Variants in GARS1 observed in about 807,000 individuals in gnomAD.
GARS1 encodes the protein glycine--tRNA ligase.
In GARS1, 46 loss-of-function variants were observed where a neutral mutation model predicts 86.4. That is an observed-to-expected ratio of 0.53 (90% CI 0.42 to 0.68). The LOEUF is 0.68. Among genes scored for constraint, GARS1 ranks in the 30% least tolerant of loss-of-function variants. GARS1 has a pLI of 0.00. For missense variants in GARS1, 797 were observed against 915.6 expected, an observed-to-expected ratio of 0.87 and a Z score of 1.67; for synonymous variants, 342 against 329.8, an observed-to-expected ratio of 1.04 and a Z score of -0.40.
In GARS1 at chr7:30,617,152, C is replaced by T; in HGVS notation, c.1233C>T (p.Gly411=). 1 of 1,614,056 alleles carries T rather than the reference C, an allele frequency of 6.2e-7. No individual in the cohort carries two copies. Among genetic ancestry groups the T allele is most frequent in the South Asian group, 1.1e-5 (1 of 91,078 alleles). ...ACACAGTATTAGGCTATTTCATTGG[C>T]CGCATCTACCTCTACCTCACGAAGG... ...INNTVLGYFI[G]RIYLYLTKVG... is the part of the protein sequence containing the mutation. Residue 411 remains glycine (G), a synonymous_variant, in exon 10 of 17, where the codon GGC becomes GGT. Transcript: ENST00000389266.
At chr7:30,595,813 C>T in intron 1 of GARS1, 1 of 471,128 alleles carries the variant, frequency 2.1e-6, no homozygotes, top group Non-Finnish European at 4.4e-6. Context: ...TCTTTTCTGG[C>T]TTCTGAAAAG....
chr7:30,595,226 G>C lies in GARS1; in HGVS notation c.222+83G>C, dbSNP rs1006993591. 13 of 1,244,690 alleles carry C rather than the reference G, an allele frequency of 1.0e-5. No individual in the cohort carries two copies. The African/African-American group carries it at 1.3e-4, about 13-fold the overall frequency. The allele number at this position is 1,244,690 out of a possible 1,614,324, so 77.1% of individuals were successfully genotyped here. A position where few individuals can be genotyped will look rare whatever the true frequency, so the allele number is the denominator to read the frequency against. ...TGGTCATCCTTCCCTCCTCCCCGGG[G>C]AACTGTCCTCCTCTTCGGTTACCCC... On this transcript the variant is annotated intron_variant, in intron 1 of 16. Transcript: ENST00000389266.
At chr7:30,600,141 C>CT (rs1419800927) in intron 3 of GARS1, 92 bp downstream of exon 3, 2 of 915,842 alleles carry the variant, frequency 2.2e-6, no homozygotes, top group African/African-American at 3.3e-5. Flanking sequence ...TTGGTATCCA[C>CT]TTGTATCAGG....
rs1405608157 is a variant in GARS1, at chr7:30,632,106, T to G, written c.1904-141T>G. On this transcript the variant is annotated intron_variant, in intron 15 of 16. Coordinates refer to ENST00000389266, the MANE Select transcript of GARS1 (RefSeq NM_002047.4). This position sits in a 1 kb window ranked among gnomAD's most constrained non-coding sequence, Gnocchi z 4.1. ...GGGATTTATTAAACTTTAGGGATAT[T>G]TCTTTCTCTTGCAACTCAACTTGTT... 1.8e-5 allele frequency: 14 copies of G among 788,712 alleles called. No homozygotes were observed. The highest frequency in any genetic ancestry group is 2.8e-5 in the Non-Finnish European group (13 of 469,120). 48.9% of individuals were successfully genotyped at this position (788,712 alleles called of 1,614,324 possible).
rs1383537035 is a variant in GARS1, at chr7:30,618,591, A to G, written c.1359+1313A>G. On this transcript the variant is annotated intron_variant, in intron 10 of 16. Transcript: ENST00000389266. ...TGAGGCTGTAGTGAGCCATGATTGC[A>G]CCACTGAACTCAAGCCTGGGTGACA... Among the ~76,000 whole-genome samples the G allele has an allele frequency of 4.9e-4, 74 of 152,236 alleles. 1 individual carries two copies. Among genetic ancestry groups the G allele is most frequent in the Non-Finnish European group, 5.9e-5 (4 of 67,992 alleles).
chr7:30,604,991 T>A (rs1791454133), intron 6 of GARS1, among the ~76,000 whole-genome samples: 1 of 152,236 alleles, frequency 6.6e-6, no homozygotes, highest in Non-Finnish European at 1.5e-5. Flanking sequence ...TTATTTCAGA[T>A]CTGTGTTCTA....
chr7:30,621,309 G>C (rs1161324582), intron 10 of GARS1, 84 bp from the exon 11 acceptor site: 2 of 1,073,632 alleles, frequency 1.9e-6, no homozygotes, highest in Non-Finnish European at 2.9e-6. Context: ...TATATGAAAG[G>C]TTTATAATCT....
chr7:30,624,186 G>A (rs1783078937), intron 12 of GARS1, among the ~76,000 whole-genome samples: 2 of 152,054 alleles, frequency 1.3e-5, no homozygotes, highest in Admixed American at 1.3e-4. Flanking sequence ...TCTTTCTAGT[G>A]TGGCCCAGGG....
intron 8 of GARS1, 134 bp downstream of exon 8, chr7:30,612,379 G>C: frequency 6.5e-6 from 6 of 922,038 alleles, no homozygotes; most frequent in Non-Finnish European, 1.0e-5. Flanking sequence ...CAAAAATCAT[G>C]TTTTACATTT....
rs1183436159 is a variant in GARS1, at chr7:30,628,682, G to A, written c.1809+13G>A. On this transcript the variant is annotated intron_variant, in intron 14 of 16. Transcript: ENST00000389266. ...TGAACAGAGAACAGTAAGTTGTTGT[G>A]TACAGTGTGCTGTTATAGTGTCAGA... 3.9e-6 allele frequency: 6 copies of A among 1,546,580 alleles called. No individual in the cohort carries two copies. The East Asian group carries it at 9.0e-5, about 23-fold the overall frequency.
At chr7:30,609,888 CTT>C (rs1372321250) in intron 7 of GARS1, among the ~76,000 whole-genome samples, 158 bp downstream of exon 7, 4 of 152,044 alleles carry the variant, frequency 2.6e-5, no homozygotes, top group African/African-American at 9.7e-5. Flanking sequence ...AGAAATAAAT[CTT>C]TTAAAAAATT....
rs1462799208 is a variant in GARS1 at position 30,632,608 on chromosome 7, A to G, written c.2094+171A>G. On this transcript the variant is annotated intron_variant, in intron 16 of 16. Transcript: ENST00000389266. This position sits in a 1 kb window ranked among gnomAD's most constrained non-coding sequence, Gnocchi z 4.1. ...GATTCTCAAGTCCCCCGGTTTAATT[A>G]TGAAAATATCCATTAGCACTTCTCT... is the stretch of plus-strand genomic sequence containing the variant. 6.6e-6 allele frequency among the ~76,000 whole-genome samples: 1 copy of G among 152,086 alleles called. No individual in the cohort carries two copies. Among genetic ancestry groups the G allele is most frequent in the East Asian group, 1.9e-4 (1 of 5,194 alleles).
intron 8 of GARS1, among the ~76,000 whole-genome samples, chr7:30,613,307 TC>T (rs1268042930): frequency 1.3e-5 from 2 of 152,310 alleles, no homozygotes; most frequent in African/African-American, 4.8e-5. Context: ...CTCTGAGCTT[TC>T]ATGTAAAAAG....
In GARS1 at chr7:30,612,225, A is replaced by G; in HGVS notation, c.1011A>G (p.Arg337=). 6.2e-7 allele frequency: 1 copy of G among 1,614,136 alleles called. No homozygotes were observed. Among genetic ancestry groups the G allele is most frequent in the Non-Finnish European group, 8.5e-7 (1 of 1,180,010 alleles). ...CTTTTAGAAATGAGATCTCCCCTCG[A>G]TCTGGACTGATCAGAGTCAGGTACT... is the stretch of plus-strand genomic sequence containing the variant. ...GNSFRNEISP[R]SGLIRVREFT... is the part of the protein sequence containing the mutation. The change falls in exon 8 of 17, where the codon CGA becomes CGG. Residue 337 remains arginine (R), a synonymous_variant. Transcript: ENST00000389266.
At chr7:30,614,228 CT>C (rs770795707) in intron 8 of GARS1, 2,079 of 143,862 alleles carry the variant, frequency 0.014, 25 homozygotes, top group African/African-American at 0.042. Flanking sequence ...CACATAGTTA[CT>C]TTTTTTTTTT....
intron 14 of GARS1, 99 bp from the exon 15 acceptor site, chr7:30,631,349 G>T: frequency 1.1e-6 from 1 of 911,702 alleles, no homozygotes; most frequent in Non-Finnish European, 1.8e-6. Flanking sequence ...CGTTATGCTT[G>T]AACACTTGCT....
At chr7:30,627,737 G>A (rs1352059999) in intron 13 of GARS1, among the ~76,000 whole-genome samples, 1 of 152,220 alleles carries the variant, frequency 6.6e-6, no homozygotes, top group Non-Finnish European at 1.5e-5. Context: ...TACAATGCCA[G>A]TAATTTGGTT....
At chr7:30,633,676 T>A (rs910936458) in intron 16 of GARS1, 59 bp from the exon 17 acceptor site, 2 of 1,592,248 alleles carry the variant, frequency 1.3e-6, no homozygotes, top group African/African-American at 2.7e-5. Context: ...AGGATGAATC[T>A]TCTTCTTAAA....
intron 9 of GARS1, 150 bp downstream of exon 9, chr7:30,616,208 C>T: frequency 2.5e-6 from 2 of 806,176 alleles, no homozygotes; most frequent in Non-Finnish European, 4.0e-6. Flanking sequence ...ATTTGTTATA[C>T]AGTATTATTA....
Sources: gnomAD v4.1 joint callset for allele counts (sites outside exome capture counted in the v4.1 genomes callset) on GRCh38, gnomAD v4.1.1 for gene constraint, Gnocchi (gnomAD v3.1) non-coding constraint, MANE v1.5 for transcripts, NCBI Gene and HGNC (gene_info 2026-07-23, HGNC 2026-07-21) for gene names.